DLGAP2: variants seen among roughly 807,000 people sequenced by gnomAD.
DLGAP2 encodes the protein DLG associated protein 2, also known as disks large-associated protein 2.
A neutral mutation model predicts 100.3 loss-of-function variants in DLGAP2; 26 were observed. That is an observed-to-expected ratio of 0.26 (90% CI 0.19 to 0.36). The LOEUF is 0.36. Among genes scored for constraint, DLGAP2 ranks in the 10% least tolerant of loss-of-function variants. The pLI, the probability that DLGAP2 is intolerant of heterozygous loss-of-function variation, is 1.00. For synonymous variants in DLGAP2, 886 were observed against 630.1 expected, an observed-to-expected ratio of 1.41 and a Z score of -6.08; for missense variants, 1,858 against 1,453.2, an observed-to-expected ratio of 1.28 and a Z score of -4.53.
At chr8:1,617,956 A>C (rs1797210841) in intron 6 of DLGAP2, among the ~76,000 whole-genome samples, 1 of 152,248 alleles carries the variant, frequency 6.6e-6, no homozygotes, top group South Asian at 2.1e-4. Flanking sequence ...AAGTGGAATA[A>C]GTAAGTAAAA....
intron 1 of DLGAP2, among the ~76,000 whole-genome samples, chr8:817,635 A>G (rs1274839978): frequency 2.6e-5 from 4 of 151,664 alleles, no homozygotes; most frequent in African/African-American, 9.7e-5. Context: ...TGCTGTTCAG[A>G]CTCTTTTCTC....
chr8:1,179,248 C>T (rs1466105347), intron 2 of DLGAP2, among the ~76,000 whole-genome samples: 1 of 152,248 alleles, frequency 6.6e-6, no homozygotes, highest in East Asian at 1.9e-4. Context: ...CTGAGTATTT[C>T]AGAGGCCTTA....
In DLGAP2 at chr8:1,086,657, TGAA is replaced by T. The variant is rs554127193; in HGVS notation, c.74-172189_74-172187del. 4.2e-4 allele frequency among the ~76,000 whole-genome samples: 64 copies of T among 152,098 alleles called. 2 individuals carry two copies. The highest frequency in any genetic ancestry group is 3.4e-3 in the Middle Eastern group (1 of 294). ...TAAAGTCAAAAGCTGTAAAAAGAAA[TGAA>T]GAAGGACATTATATAATGATAAAGG... On this transcript the variant is annotated intron_variant, in intron 2 of 14. Coordinates refer to ENST00000637795, the MANE Select transcript of DLGAP2 (RefSeq NM_001346810.2).
intron 2 of DLGAP2, among the ~76,000 whole-genome samples, chr8:1,182,912 A>G (rs2116706502): frequency 6.6e-6 from 1 of 152,236 alleles, no homozygotes; most frequent in East Asian, 1.9e-4. Context: ...GGATGCAGTG[A>G]GCGCACAGCC....
intron 2 of DLGAP2, among the ~76,000 whole-genome samples, chr8:1,191,199 T>G: frequency 6.8e-6 from 1 of 147,402 alleles, no homozygotes. Flanking sequence ...TGAGACGGAA[T>G]CTCACTCTGT....
intron 2 of DLGAP2, among the ~76,000 whole-genome samples, chr8:1,121,275 C>T (rs951199241): frequency 6.6e-6 from 1 of 151,860 alleles, no homozygotes; most frequent in Non-Finnish European, 1.5e-5. Flanking sequence ...CCCATGACCT[C>T]CCATCCTCGT....
chr8:912,174 A>T (rs1218550980), intron 2 of DLGAP2, among the ~76,000 whole-genome samples: 2 of 152,192 alleles, frequency 1.3e-5, no homozygotes. Context: ...TACCCATGCA[A>T]ACTTTGATAA....
Position 1,697,290 on chromosome 8 carries a change from G to C in DLGAP2, c.2940G>C (p.Pro980=), listed in dbSNP as rs374656209. 2 of 1,604,230 alleles carry C rather than the reference G, an allele frequency of 1.2e-6. No homozygotes were observed. The highest frequency in any genetic ancestry group is 3.4e-5 in the Admixed American group (2 of 58,844). ...ACGACTGGAAGATGATGGAGTCCCC[G>C]GAAAGAAAGGTAAGGGCATCCATGC... The part of the protein sequence containing the change: ...RLNDWKMMES[P]ERKEERKVPP... Residue 980 remains proline (P), a synonymous_variant, in exon 14 of 15, where the codon CCG becomes CCC. Transcript: ENST00000637795.
Position 1,302,291 on chromosome 8 carries a change from C to T in DLGAP2, c.106+43408C>T, listed in dbSNP as rs914182446. The T allele has an allele frequency of 7.8e-5, 10 of 127,702 alleles. 1 individual carries two copies. Among genetic ancestry groups the T allele is most frequent in the Admixed American group, 1.5e-4 (2 of 13,580 alleles). The allele number at this position is 127,702 out of a possible 1,614,324, so 7.9% of individuals were successfully genotyped here. On this transcript the variant is annotated intron_variant, in intron 3 of 14. Coordinates refer to ENST00000637795, the MANE Select transcript of DLGAP2 (RefSeq NM_001346810.2). ...CCCGAGCTCTGCTCCACACCTGGGA[C>T]CGGACTCGGAATTTTCTGTGAGTTC...
chr8:1,653,491 G>T (rs1044452635), intron 8 of DLGAP2, among the ~76,000 whole-genome samples: 1 of 152,190 alleles, frequency 6.6e-6, no homozygotes, highest in South Asian at 2.1e-4. Flanking sequence ...AGCTCAAACT[G>T]ATGCTTACTG....
chr8:792,367 T>A (rs543042088), intron 1 of DLGAP2, among the ~76,000 whole-genome samples: 1 of 152,224 alleles, frequency 6.6e-6, no homozygotes, highest in Non-Finnish European at 1.5e-5. Flanking sequence ...CCCTTCCTAA[T>A]ATTTATACTC....
chr8:949,196 T>C (rs1053502120), intron 2 of DLGAP2, among the ~76,000 whole-genome samples: 1 of 152,078 alleles, frequency 6.6e-6, no homozygotes, highest in African/African-American at 2.4e-5. Context: ...GTAGATGGGA[T>C]CAGGGATGCA....
chr8:1,229,262 C>A (rs1214220667), intron 2 of DLGAP2, among the ~76,000 whole-genome samples: 2 of 151,512 alleles, frequency 1.3e-5, no homozygotes, highest in African/African-American at 2.4e-5. Flanking sequence ...AGGAGTTCTT[C>A]TACCTTGATT....
At chr8:994,144 G>C (rs1004891839) in intron 2 of DLGAP2, among the ~76,000 whole-genome samples, 1 of 152,100 alleles carries the variant, frequency 6.6e-6, no homozygotes, top group Non-Finnish European at 1.5e-5. Context: ...ATTATTATTG[G>C]GGAGTTTTGC....
chr8:1,364,330 C>T (rs529648247), intron 3 of DLGAP2, among the ~76,000 whole-genome samples: 178 of 152,284 alleles, frequency 1.2e-3, no homozygotes, highest in Non-Finnish European at 2.3e-3. Flanking sequence ...AGAACCCAGA[C>T]TCAGAATAGG....
chr8:996,706 G>A (rs1007229437), intron 2 of DLGAP2, among the ~76,000 whole-genome samples: 2 of 152,088 alleles, frequency 1.3e-5, no homozygotes, highest in Admixed American at 6.5e-5. Flanking sequence ...CAAGTTAATC[G>A]TCATCATTCA....
At chr8:833,872 A>G (rs1350694824) in intron 1 of DLGAP2, among the ~76,000 whole-genome samples, 1 of 152,212 alleles carries the variant, frequency 6.6e-6, no homozygotes. Context: ...TCAGAACATG[A>G]CAGGTTGGAT....
intron 3 of DLGAP2, among the ~76,000 whole-genome samples, chr8:1,451,445 G>A (rs1037675280): frequency 3.3e-5 from 5 of 152,194 alleles, no homozygotes; most frequent in African/African-American, 1.2e-4. Flanking sequence ...AGCCCAGCAC[G>A]CTCTGAAAGG....
intron 3 of DLGAP2, among the ~76,000 whole-genome samples, chr8:1,434,512 T>C (rs1173164087): frequency 2.0e-5 from 3 of 152,096 alleles, no homozygotes; most frequent in South Asian, 2.1e-4. Context: ...TGTCTCACTC[T>C]GTTTCCCAGC....
Sources: gnomAD v4.1 joint callset for allele counts (sites outside exome capture counted in the v4.1 genomes callset) on GRCh38, gnomAD v4.1.1 for gene constraint, MANE v1.5 for transcripts, NCBI Gene and HGNC (gene_info 2026-07-23, HGNC 2026-07-21) for gene names.